The following FAT2 variants were observed in gnomAD, a reference collection of about 807,000 sequenced individuals.
FAT2 encodes protocadherin Fat 2.
Under a neutral mutation model 295.3 loss-of-function variants are expected in FAT2, and 150 were observed. The ratio of observed to expected loss-of-function variants is 0.51; its 90% CI spans 0.44 to 0.58. FAT2 has a LOEUF of 0.58. Ranked by LOEUF, FAT2 falls within the 20% of genes least tolerant of loss-of-function variation. FAT2 has a pLI of 0.00. For synonymous variants in FAT2, 2,026 were observed against 2,150.3 expected, an observed-to-expected ratio of 0.94 and a Z score of 1.60; for missense variants, 4,868 against 5,442.7, an observed-to-expected ratio of 0.89 and a Z score of 3.32.
chr5:151,531,555 A>G lies in FAT2; in HGVS notation c.9811+32T>C, dbSNP rs770836523. On this transcript the variant is annotated intron_variant, in intron 14 of 23. Coordinates refer to ENST00000261800, the MANE Select transcript of FAT2 (RefSeq NM_001447.3). This position sits in a 1 kb window ranked among gnomAD's most constrained non-coding sequence, Gnocchi z 5.7. ...AGCGCTCCCAGAAACCCTGTACGCG[A>G]TGCTTTGGGGCTTGGTGGATCAGGC... is the stretch of plus-strand genomic sequence containing the variant. 3 of 1,610,434 alleles carry G rather than the reference A, an allele frequency of 1.9e-6. No homozygotes were observed. The highest frequency in any genetic ancestry group is 2.7e-5 in the African/African-American group (2 of 74,828).
intron 19 of FAT2, among the ~76,000 whole-genome samples, chr5:151,518,374 A>AATAATTATTATTATT (rs1554124018): frequency 4.1e-4 from 60 of 147,410 alleles, no homozygotes; most frequent in Middle Eastern, 3.5e-3. Context: ...TAATAATAAT[A>AATAATTATTATTATT]ATTTTTAAAA....
intron 10 of FAT2, among the ~76,000 whole-genome samples, chr5:151,541,501 C>T (rs1265870866): frequency 6.6e-6 from 1 of 152,150 alleles, no homozygotes; most frequent in Non-Finnish European, 1.5e-5. Context: ...GTTGGAATTT[C>T]AGGCTCATGG....
chr5:151,568,826 A>ACT lies in FAT2; in HGVS notation c.105_106insAG (p.His37ProfsTer34). ...TCATAGATGGTGGCATTGTAATGGG[A>ACT]GTGTGTGAAGTGCCAAGCAGAGGAG... On this transcript the variant is annotated frameshift_variant, in exon 2 of 24. Transcript: ENST00000261800. LOFTEE classifies it high-confidence loss of function. 6.2e-7 allele frequency: 1 copy of ACT among 1,613,948 alleles called. No individual in the cohort carries two copies. Among genetic ancestry groups the ACT allele is most frequent in the Non-Finnish European group, 8.5e-7 (1 of 1,180,006 alleles).
At chr5:151,584,383 C>A (rs547305809) in intron 1 of FAT2, among the ~76,000 whole-genome samples, 1 of 152,308 alleles carries the variant, frequency 6.6e-6, no homozygotes, top group Admixed American at 6.5e-5. Flanking sequence ...CAGCATTTTT[C>A]TGTTCTTGGA....
rs2127630096 is a variant in FAT2, at chr5:151,554,355, T to C, written c.3945+7A>G. ...CCTCCCTCCGTGGCTTCCTTCTGTC[T>C]GCTCACCGTTAGGATGTTGTACTCT... On this transcript the variant is annotated splice_region_variant and intron_variant, in intron 5 of 23. Transcript: ENST00000261800. The C allele has an allele frequency of 5.0e-6, 8 of 1,606,752 alleles. No homozygotes were observed. The South Asian group carries it at 6.6e-5, about 13-fold the overall frequency.
At chr5:151,563,228 C>T in intron 3 of FAT2, 97 bp downstream of exon 3, 1 of 1,189,700 alleles carries the variant, frequency 8.4e-7, no homozygotes, top group Middle Eastern at 2.8e-4. Context: ...ATTTGAATTT[C>T]CAAGTTCACA....
In FAT2 at chr5:151,542,904, G is replaced by A; in HGVS notation, c.8223C>T (p.Ser2741=). ...TTATGACCCCTGTGTCTGGGTCTAG[G>A]GAGAAGACACCATCCTTGTTGCTCT... ...TPESNKDGVF[S]LDPDTGVIKV... Residue 2741 remains serine, a synonymous_variant, in exon 10 of 24, where the codon TCC becomes TCT. Coordinates refer to ENST00000261800, the MANE Select transcript of FAT2 (RefSeq NM_001447.3). 1 of 1,614,172 alleles carries A rather than the reference G, an allele frequency of 6.2e-7. No homozygotes were observed. Among genetic ancestry groups the A allele is most frequent in the Non-Finnish European group, 8.5e-7 (1 of 1,180,036 alleles).
intron 1 of FAT2, among the ~76,000 whole-genome samples, chr5:151,583,735 C>T (rs561283876): frequency 4.6e-5 from 7 of 152,194 alleles, no homozygotes; most frequent in Admixed American, 1.3e-4. Flanking sequence ...TGGTTGCTTG[C>T]GCCAGTAATC....
In FAT2 at chr5:151,568,014, A is replaced by G. The variant is rs764466677; in HGVS notation, c.918T>C (p.Tyr306=). ...CCAAACTGAACTCATTGCTCCGGGCATAAGACTTGATGGCTTTGAAGTGCT... is the reference window on the plus strand; with the variant it reads ...CCAAACTGAACTCATTGCTCCGGGCGTAAGACTTGATGGCTTTGAAGTGCT... ...PGKHFKAIKS[Y]ARSNEFSLVS... is the part of the protein sequence containing the mutation. The change falls in exon 2 of 24, where the codon TAT becomes TAC. Residue 306 remains tyrosine (Y), a synonymous_variant. Coordinates refer to ENST00000261800, the MANE Select transcript of FAT2 (RefSeq NM_001447.3). 3.7e-6 allele frequency: 6 copies of G among 1,614,246 alleles called. No homozygotes were observed. The Admixed American group carries it at 1.0e-4, about 27-fold the overall frequency.
chr5:151,568,688 A>G lies in FAT2; in HGVS notation c.244T>C (p.Phe82Leu). 1 of 1,614,136 alleles carries G rather than the reference A, an allele frequency of 6.2e-7. No individual in the cohort carries two copies. The highest frequency in any genetic ancestry group is 8.5e-7 in the Non-Finnish European group (1 of 1,180,026). ...RIISGDVANV[F>L]KTEEYVVGNF... ...CCCACCACATACTCCTCAGTTTTAAATACATTGGCCACATCCCCAGAGATG... is the reference window on the plus strand; with the variant it reads ...CCCACCACATACTCCTCAGTTTTAAGTACATTGGCCACATCCCCAGAGATG... The change falls in exon 2 of 24, where the codon TTT becomes CTT. Residue 82 changes from phenylalanine (F) to leucine (L), a missense_variant. Coordinates refer to ENST00000261800, the MANE Select transcript of FAT2 (RefSeq NM_001447.3).
intron 19 of FAT2, 21 bp from the exon 20 acceptor site, chr5:151,517,786 G>T (rs1388650330): frequency 6.2e-7 from 1 of 1,613,410 alleles, no homozygotes. Context: ...AACCAAAGCT[G>T]TCACCTCTAC....
chr5:151,514,100 A>G (rs1752593049), intron 20 of FAT2, among the ~76,000 whole-genome samples: 3 of 152,222 alleles, frequency 2.0e-5, no homozygotes, highest in Non-Finnish European at 4.4e-5. Context: ...TTTCTTATAC[A>G]TTGGCTATCT....
chr5:151,561,106 G>A (rs1757994620), intron 3 of FAT2, among the ~76,000 whole-genome samples: 1 of 152,218 alleles, frequency 6.6e-6, no homozygotes, highest in African/African-American at 2.4e-5. Flanking sequence ...AGTAGGTGGT[G>A]CTGGAAAGTG....
Position 151,504,442 on chromosome 5 carries a change from C to G in FAT2, c.*1123G>C, listed in dbSNP as rs1280399056. ...GTACACACGTACTATCCATGGGCAC[C>G]CACATGTGTAGACATGTGCCCACAT... On this transcript the variant is annotated 3_prime_UTR_variant, in exon 24 of 24. Transcript: ENST00000261800. The G allele has an allele frequency of 6.5e-6, 1 of 152,674 alleles. No individual in the cohort carries two copies. The highest frequency in any genetic ancestry group is 1.5e-5 in the Non-Finnish European group (1 of 68,052). The allele number at this position is 152,674 out of a possible 1,614,324, so 9.5% of individuals were successfully genotyped here. A position where few individuals can be genotyped will look rare whatever the true frequency, so the allele number is the denominator to read the frequency against.
intron 23 of FAT2, 126 bp from the exon 24 acceptor site, chr5:151,506,223 T>G (rs1760861851): frequency 1.0e-6 from 1 of 995,088 alleles, no homozygotes; most frequent in East Asian, 2.8e-5. Context: ...GGCCCATCTG[T>G]GCAGGTTGTC....
chr5:151,531,027 T>C lies in FAT2; in HGVS notation c.9811+560A>G, dbSNP rs1367834676. ...GAGACACAGGCTGACCTGGGTGGCC[T>C]CTGAGGCCCTTCGGTGAGTTTCTGT... On this transcript the variant is annotated intron_variant, in intron 14 of 23. Transcript: ENST00000261800. The surrounding 1 kb of genome is among the most constrained non-coding windows in gnomAD (Gnocchi z 5.7). 2.0e-5 allele frequency among the ~76,000 whole-genome samples: 3 copies of C among 152,212 alleles called. No individual in the cohort carries two copies. Among genetic ancestry groups the C allele is most frequent in the African/African-American group, 7.2e-5 (3 of 41,456 alleles).
At chr5:151,564,702 C>G (rs1221983889) in intron 2 of FAT2, among the ~76,000 whole-genome samples, 1 of 152,168 alleles carries the variant, frequency 6.6e-6, no homozygotes, top group African/African-American at 2.4e-5. Flanking sequence ...GGTTGTGTCA[C>G]CTTTTTGGAG....
In FAT2 at chr5:151,505,188, A is replaced by C. The variant is rs957779041; in HGVS notation, c.*377T>G. On this transcript the variant is annotated 3_prime_UTR_variant, in exon 24 of 24. Transcript: ENST00000261800. ...CAAAATGGAGCTGTGGGCAGGTATG[A>C]GAATGCATCTTGGTGAAGTTGAGCC... 3.2e-6 allele frequency: 1 copy of C among 317,276 alleles called. No homozygotes were observed. Among genetic ancestry groups the C allele is most frequent in the African/African-American group, 2.2e-5 (1 of 45,104 alleles). 19.7% of individuals were successfully genotyped at this position (317,276 alleles called of 1,614,324 possible). A position where few individuals can be genotyped will look rare whatever the true frequency, so the allele number is the denominator to read the frequency against.
In FAT2 at chr5:151,517,647, G is replaced by T. The variant is rs141127792; in HGVS notation, c.11436C>A (p.Thr3812=). ...TLQPQAILLF[T]NETASVSLKL... is the part of the protein sequence containing the mutation. ...TCAGGGAGACGGACGCTGTTTCATT[G>T]GTGAATAGAAGAATGGCCTGTGGCT... The change falls in exon 20 of 24, where the codon ACC becomes ACA. Residue 3812 remains threonine, a synonymous_variant. Coordinates refer to ENST00000261800, the MANE Select transcript of FAT2 (RefSeq NM_001447.3). 70 of 1,614,054 alleles carry T rather than the reference G, an allele frequency of 4.3e-5. No individual in the cohort carries two copies. The highest frequency in any genetic ancestry group is 5.3e-5 in the Non-Finnish European group (62 of 1,180,036).
Sources: allele counts gnomAD v4.1 joint callset (sites outside exome capture counted in the v4.1 genomes callset), GRCh38; gene constraint gnomAD v4.1.1; non-coding constraint Gnocchi (gnomAD v3.1); transcripts MANE v1.5; gene names NCBI Gene and HGNC (gene_info 2026-07-23, HGNC 2026-07-21).